Variants in FAM135B observed in about 807,000 individuals in gnomAD.
The protein encoded by FAM135B is protein FAM135B.
FAM135B carries 43 observed loss-of-function variants against 127.7 expected under a neutral mutation model. That is an observed-to-expected ratio of 0.34 (90% CI 0.26 to 0.43). The LOEUF (loss-of-function observed/expected upper bound fraction) is 0.43. Among genes scored for constraint, FAM135B ranks in the 20% least tolerant of loss-of-function variants. The pLI, the probability that FAM135B is intolerant of heterozygous loss-of-function variation, is 1.00. For synonymous variants in FAM135B, 670 were observed against 665.1 expected (o/e 1.01, Z -0.11); for missense variants, 1,558 against 1,725.6 (o/e 0.90, Z 1.72).
chr8:138,280,364 C>A (rs1204491394), intron 3 of FAM135B, among the ~76,000 whole-genome samples: 1 of 151,650 alleles, frequency 6.6e-6, no homozygotes, highest in African/African-American at 2.4e-5. Flanking sequence ...TACCAGATGG[C>A]CTGTTCTCCT....
intron 1 of FAM135B, among the ~76,000 whole-genome samples, chr8:138,418,446 C>A (rs560738893): frequency 6.6e-6 from 1 of 151,480 alleles, no homozygotes; most frequent in Non-Finnish European, 1.5e-5. Flanking sequence ...CAGAAAACTG[C>A]GAGATGCTAT....
At chr8:138,191,761 A>AC (rs1816149523) in intron 9 of FAM135B, among the ~76,000 whole-genome samples, 1 of 152,236 alleles carries the variant, frequency 6.6e-6, no homozygotes, top group South Asian at 2.1e-4. Context: ...TGGACATTTA[A>AC]CCATATTCCC....
intron 1 of FAM135B, among the ~76,000 whole-genome samples, chr8:138,410,108 C>T (rs1160442461): frequency 6.6e-6 from 1 of 152,106 alleles, no homozygotes; most frequent in Non-Finnish European, 1.5e-5. Flanking sequence ...GTGCCTGGAG[C>T]TGCCACTGTA....
intron 1 of FAM135B, among the ~76,000 whole-genome samples, chr8:138,402,244 C>T (rs2139330): frequency 0.46 from 70,428 of 151,542 alleles, 16,762 homozygotes; most frequent in Admixed American, 0.58. Context: ...GGGCGTGAAA[C>T]ACAAAGGGTA....
intron 3 of FAM135B, among the ~76,000 whole-genome samples, chr8:138,299,060 AAAATAAATAAATAAATAAAT>A (rs372645406): frequency 5.1e-4 from 69 of 136,158 alleles, no homozygotes; most frequent in African/African-American, 1.6e-3. Flanking sequence ...ATTCAGTCTC[AAAATAAATAAATAAATAAAT>A]AAATAAATAA....
intron 2 of FAM135B, among the ~76,000 whole-genome samples, chr8:138,333,854 G>C (rs1001141571): frequency 6.6e-6 from 1 of 152,158 alleles, no homozygotes; most frequent in Non-Finnish European, 1.5e-5. Context: ...TGAGGAATGA[G>C]TGCATGATCC....
At chr8:138,474,178 TAC>T (rs1377403219) in intron 1 of FAM135B, among the ~76,000 whole-genome samples, 3 of 152,178 alleles carry the variant, frequency 2.0e-5, no homozygotes, top group Non-Finnish European at 4.4e-5. Context: ...TCCTGTGGAA[TAC>T]ACAGTCGGGA....
intron 1 of FAM135B, among the ~76,000 whole-genome samples, chr8:138,395,149 G>C (rs1832782392): frequency 1.3e-5 from 2 of 152,156 alleles, no homozygotes; most frequent in African/African-American, 4.8e-5. Context: ...AATCCCAAGT[G>C]CTACTTATCT....
intron 3 of FAM135B, among the ~76,000 whole-genome samples, chr8:138,267,741 C>T (rs144134907): frequency 2.4e-4 from 37 of 152,248 alleles, no homozygotes; most frequent in African/African-American, 8.9e-4. Flanking sequence ...GCAAGGAATA[C>T]AAAATATGTA....
At chr8:138,405,518 C>G (rs543650016) in intron 1 of FAM135B, among the ~76,000 whole-genome samples, 15 of 151,958 alleles carry the variant, frequency 9.9e-5, no homozygotes, top group African/African-American at 3.6e-4. Flanking sequence ...CCAATTTCAT[C>G]CATGTCCCCA....
At chr8:138,217,597 A>AT (rs1173622483) in intron 7 of FAM135B, among the ~76,000 whole-genome samples, 6 of 151,610 alleles carry the variant, frequency 4.0e-5, no homozygotes, top group African/African-American at 1.5e-4. Context: ...CACCCAGCTA[A>AT]TTTTTTTGTA....
At chr8:138,206,002 G>C (rs1350273934) in intron 7 of FAM135B, among the ~76,000 whole-genome samples, 3 of 138,140 alleles carry the variant, frequency 2.2e-5, no homozygotes, top group African/African-American at 5.5e-5. Flanking sequence ...GCATCACCTC[G>C]ACCTATGCAA....
chr8:138,182,479 T>C (rs752498109), intron 9 of FAM135B, among the ~76,000 whole-genome samples: 2 of 152,194 alleles, frequency 1.3e-5, no homozygotes, highest in South Asian at 4.1e-4. Flanking sequence ...CAAGCACCTT[T>C]GTTCACTCCC....
At chr8:138,247,308 T>C (rs1821366247) in intron 6 of FAM135B, among the ~76,000 whole-genome samples, 1 of 152,172 alleles carries the variant, frequency 6.6e-6, no homozygotes, top group Non-Finnish European at 1.5e-5. Context: ...CATCTTGAAT[T>C]GTAGTTTCCA....
At chr8:138,170,422 G>A (rs1212048174) in intron 11 of FAM135B, among the ~76,000 whole-genome samples, 2 of 151,812 alleles carry the variant, frequency 1.3e-5, no homozygotes, top group African/African-American at 2.4e-5. Context: ...GGGTTTTTCC[G>A]TGTTGGTCAG....
intron 2 of FAM135B, among the ~76,000 whole-genome samples, chr8:138,318,503 A>G (rs1827237624): frequency 1.3e-5 from 2 of 152,150 alleles, no homozygotes; most frequent in South Asian, 2.1e-4. Flanking sequence ...TCCCCCACAA[A>G]TCCTATGTGA....
At position 138,408,822 on chromosome 8, in the gene FAM135B, G is replaced by T. The variant is rs1363200886; in HGVS notation, c.-19-40820C>A. On this transcript the variant is annotated intron_variant, in intron 1 of 19. Coordinates refer to ENST00000395297, the MANE Select transcript of FAM135B (RefSeq NM_015912.4). ...CCATGATCCAGTTACCTCTCACCAG[G>T]TCCCTCTCTTGACACGTGGGGTTAC... 2.0e-5 allele frequency among the ~76,000 whole-genome samples: 3 copies of T among 152,100 alleles called. No homozygotes were observed. In the South Asian group the frequency reaches 6.2e-4, roughly 32 times the overall value.
At position 138,152,150 on chromosome 8, in the gene FAM135B, G is replaced by A. The variant is rs1818221799; in HGVS notation, c.2325C>T (p.His775=). 3 of 1,613,884 alleles carry A rather than the reference G, an allele frequency of 1.9e-6. No individual in the cohort carries two copies. Among genetic ancestry groups the A allele is most frequent in the Non-Finnish European group, 2.5e-6 (3 of 1,180,030 alleles). ...CAGCAGCCTCCTCTGGGCTACTGAT[G>A]TGGGGAGCAGATACAGACTTGGTTA... ...TKLTKSVSAP[H]ISSPEEAAED... is the part of the protein sequence containing the mutation. Residue 775 remains histidine (H), a synonymous_variant, in exon 13 of 20, where the codon CAC becomes CAT. Coordinates refer to ENST00000395297, the MANE Select transcript of FAM135B (RefSeq NM_015912.4).
chr8:138,188,970 C>T (rs116525398), intron 9 of FAM135B, among the ~76,000 whole-genome samples: 2,351 of 152,314 alleles, frequency 0.015, 50 homozygotes, highest in African/African-American at 0.05. Context: ...GGGCCCCACC[C>T]TCAGTCCTGG....
Sources: gnomAD v4.1 joint callset for allele counts (sites outside exome capture counted in the v4.1 genomes callset) on GRCh38, gnomAD v4.1.1 for gene constraint, MANE v1.5 for transcripts, NCBI Gene and HGNC (gene_info 2026-07-23, HGNC 2026-07-21) for gene names.